The following OR1L8 variants were observed in gnomAD, a reference collection of about 807,000 sequenced individuals.
OR1L8 encodes olfactory receptor family 1 subfamily L member 8.
For missense variants in OR1L8, 330 were observed against 377.4 expected, an observed-to-expected ratio of 0.87 and a Z score of 1.04; for synonymous variants, 148 against 147.0, an observed-to-expected ratio of 1.01 and a Z score of -0.05.
rs1417220401 is a variant in OR1L8, at chr9:122,572,905, T to A, written c.-338A>T. 1 of 152,250 alleles carries A rather than the reference T, an allele frequency of 6.6e-6. No homozygotes were observed. The highest frequency in any genetic ancestry group is 1.5e-5 in the Non-Finnish European group (1 of 68,036). 9.4% of individuals were successfully genotyped at this position (152,250 alleles called of 1,614,324 possible). Reference sequence around the variant, plus strand: ...TCCTCATGTTTCTCCTCTGAACTTCTGGACTAATTAGCAAGGAGGGAAGAA... The same window carrying A: ...TCCTCATGTTTCTCCTCTGAACTTCAGGACTAATTAGCAAGGAGGGAAGAA... On this transcript the variant is annotated 5_prime_UTR_variant, in exon 4 of 5. It introduces an in-frame stop codon into an upstream open reading frame of the 5' UTR. Coordinates refer to ENST00000641027, the MANE Select transcript of OR1L8 (RefSeq NM_001004454.2).
the OR1L8 span, among the ~76,000 whole-genome samples, chr9:122,558,726 A>G: frequency 6.6e-6 from 1 of 151,796 alleles, no homozygotes; most frequent in Admixed American, 6.6e-5. Context: ...CTTTTTTCAT[A>G]CAAATTTGTC....
chr9:122,551,465 C>T, the OR1L8 span, among the ~76,000 whole-genome samples: 48 of 152,232 alleles, frequency 3.2e-4, no homozygotes, highest in African/African-American at 1.0e-3. Flanking sequence ...TTAAGGAAAT[C>T]GCCAGCAGAA....
the OR1L8 span, among the ~76,000 whole-genome samples, chr9:122,560,718 C>G: frequency 6.6e-6 from 1 of 152,162 alleles, no homozygotes; most frequent in Non-Finnish European, 1.5e-5. Context: ...ATGGGTTTCC[C>G]TTTGTAGGTG....
intron 4 of OR1L8, among the ~76,000 whole-genome samples, chr9:122,570,884 A>G (rs1237751393): frequency 6.6e-6 from 1 of 152,200 alleles, no homozygotes; most frequent in African/African-American, 2.4e-5. Context: ...ATTCCGTAAT[A>G]AGGAATTAAG....
At chr9:122,575,121 G>A (rs761697924) in intron 3 of OR1L8, among the ~76,000 whole-genome samples, 2 of 152,044 alleles carry the variant, frequency 1.3e-5, no homozygotes, top group Admixed American at 6.6e-5. Flanking sequence ...TTAGAGTTAT[G>A]CATGTATGTT....
chr9:122,579,287 TTTAA>T (rs1456799164), intron 1 of OR1L8, among the ~76,000 whole-genome samples: 3 of 151,916 alleles, frequency 2.0e-5, no homozygotes, highest in Non-Finnish European at 2.9e-5. Flanking sequence ...TTTGAAACAT[TTTAA>T]TTGAGTTATA....
chr9:122,573,980 G>GA (rs933308213), intron 3 of OR1L8, among the ~76,000 whole-genome samples: 5 of 152,070 alleles, frequency 3.3e-5, no homozygotes, highest in Non-Finnish European at 7.4e-5. Context: ...ACTATTTGTT[G>GA]AAAAAACTGT....
chr9:122,552,073 T>TCACACACACACACATACA, the OR1L8 span, among the ~76,000 whole-genome samples: 45 of 142,472 alleles, frequency 3.2e-4, no homozygotes, highest in Middle Eastern at 3.5e-3. Flanking sequence ...TCTCTCTCTC[T>TCACACACACACACATACA]CTCTCTCACA....
At chr9:122,549,739 T>TG in the OR1L8 span, among the ~76,000 whole-genome samples, 24 of 152,324 alleles carry the variant, frequency 1.6e-4, 1 homozygote, top group South Asian at 3.7e-3. Flanking sequence ...TTTATACTAG[T>TG]ACCATGTTGT....
chr9:122,574,375 G>A (rs183127732), intron 3 of OR1L8, among the ~76,000 whole-genome samples: 20 of 152,088 alleles, frequency 1.3e-4, no homozygotes, highest in Admixed American at 1.2e-3. Flanking sequence ...CTTTCATCAT[G>A]GTTTTGTGGT....
chr9:122,556,635 G>GT, the OR1L8 span, among the ~76,000 whole-genome samples: 56 of 152,004 alleles, frequency 3.7e-4, no homozygotes, highest in South Asian at 0.011. Context: ...GTATACCTAT[G>GT]TAACAAACCT....
At chr9:122,553,114 G>A in the OR1L8 span, 300,136 of 1,285,868 alleles carry the variant, frequency 0.23, 37,108 homozygotes, top group Middle Eastern at 0.28. Context: ...TCCCAGCACA[G>A]TTCTGGCCAC....
chr9:122,570,686 CTAAT>C (rs1032491804), intron 4 of OR1L8, among the ~76,000 whole-genome samples: 1 of 152,200 alleles, frequency 6.6e-6, no homozygotes, highest in Non-Finnish European at 1.5e-5. Context: ...GTTCTCAAAA[CTAAT>C]TATCTCACAT....
downstream of OR1L8, among the ~76,000 whole-genome samples, chr9:122,566,431 A>G (rs188555770): frequency 4.6e-4 from 70 of 152,106 alleles, no homozygotes; most frequent in African/African-American, 1.5e-3. Context: ...ACATATGTAC[A>G]TTCATATTTA....
the OR1L8 span, among the ~76,000 whole-genome samples, chr9:122,559,403 T>C: frequency 6.6e-6 from 1 of 152,292 alleles, no homozygotes; most frequent in Non-Finnish European, 1.5e-5. Flanking sequence ...GTTGCAACTA[T>C]CAACTGGTCA....
intron 1 of OR1L8, among the ~76,000 whole-genome samples, chr9:122,581,681 T>A: frequency 6.6e-6 from 1 of 152,162 alleles, no homozygotes; most frequent in East Asian, 1.9e-4. Flanking sequence ...GCACAGTGGC[T>A]CATGTCTGTA....
At chr9:122,553,803 A>G in the OR1L8 span, 1 of 1,613,970 alleles carries the variant, frequency 6.2e-7, no homozygotes, top group Non-Finnish European at 8.5e-7. Context: ...TACCCATGTA[A>G]ACGAGCTGAT....
chr9:122,571,793 C>T (rs1409454006), intron 4 of OR1L8, among the ~76,000 whole-genome samples: 1 of 151,794 alleles, frequency 6.6e-6, no homozygotes, highest in Non-Finnish European at 1.5e-5. Context: ...TGGACAGTGC[C>T]TTGGACTTGA....
downstream of OR1L8, among the ~76,000 whole-genome samples, chr9:122,562,979 T>A (rs1829375868): frequency 6.6e-6 from 1 of 152,160 alleles, no homozygotes; most frequent in Non-Finnish European, 1.5e-5. Context: ...TGTAATAAAC[T>A]TGAGGGTGCA....
Sources: gnomAD v4.1 joint callset for allele counts (sites outside exome capture counted in the v4.1 genomes callset) on GRCh38, gnomAD v4.1.1 for gene constraint, MANE v1.5 for transcripts, NCBI Gene and HGNC (gene_info 2026-07-23, HGNC 2026-07-21) for gene names.